ARHGAP10: variants seen among roughly 807,000 people sequenced by gnomAD.
ARHGAP10 encodes Rho GTPase activating protein 10.
A neutral mutation model predicts 108.6 loss-of-function variants in ARHGAP10; 87 were observed. That is an observed-to-expected ratio of 0.80 (90% CI 0.67 to 0.96). The LOEUF (loss-of-function observed/expected upper bound fraction) is 0.96. ARHGAP10 is among the 40% of genes least tolerant of loss of function. The pLI is 0.00. For missense variants in ARHGAP10, 939 were observed against 954.5 expected, an observed-to-expected ratio of 0.98 and a Z score of 0.21; for synonymous variants, 347 against 341.1, an observed-to-expected ratio of 1.02 and a Z score of -0.19.
rs958408552 is a variant in ARHGAP10, at chr4:147,919,789, G to A, written c.1228+6650G>A. On this transcript the variant is annotated intron_variant, in intron 13 of 22. Coordinates refer to ENST00000336498, the MANE Select transcript of ARHGAP10 (RefSeq NM_024605.4). ...AGAGGTGGTGTTTCACCATGTTGGC[G>A]AGGCTGGTCTTGAACTCCTGACCTT... Among the ~76,000 whole-genome samples the A allele has an allele frequency of 7.9e-5, 12 of 151,902 alleles. 1 individual carries two copies. The highest frequency in any genetic ancestry group is 2.9e-4 in the African/African-American group (12 of 41,336).
chr4:147,881,834 G>T lies in ARHGAP10; in HGVS notation c.940-4G>T. On this transcript the variant is annotated splice_polypyrimidine_tract_variant and splice_region_variant and intron_variant, in intron 9 of 22. Coordinates refer to ENST00000336498, the MANE Select transcript of ARHGAP10 (RefSeq NM_024605.4). ...TTGAGAATGTTCAAAATGATTATTT[G>T]CAGGGGGACGGAGAGGTGTTCTTTT... 6.2e-7 allele frequency: 1 copy of T among 1,613,370 alleles called. No homozygotes were observed. Among genetic ancestry groups the T allele is most frequent in the Middle Eastern group, 1.6e-4 (1 of 6,062 alleles).
intron 19 of ARHGAP10, among the ~76,000 whole-genome samples, chr4:148,029,656 T>C (rs1728045120): frequency 6.6e-6 from 1 of 152,216 alleles, no homozygotes; most frequent in South Asian, 2.1e-4. Flanking sequence ...CTTTTCTCCA[T>C]GCTTACCAAT....
intron 5 of ARHGAP10, among the ~76,000 whole-genome samples, chr4:147,859,714 T>A (rs776215827): frequency 2.0e-4 from 31 of 152,232 alleles, no homozygotes; most frequent in South Asian, 6.2e-4. Flanking sequence ...CAGTACCTGT[T>A]AAGGAGTAGG....
chr4:148,047,190 C>A, intron 20 of ARHGAP10, 139 bp downstream of exon 20: 2 of 1,030,302 alleles, frequency 1.9e-6, no homozygotes, highest in Non-Finnish European at 2.7e-6. Context: ...GAAGGGCCAC[C>A]AAAGGGAGAA....
chr4:147,889,410 C>T (rs982709738), intron 10 of ARHGAP10, among the ~76,000 whole-genome samples: 1 of 152,186 alleles, frequency 6.6e-6, no homozygotes, highest in Admixed American at 6.5e-5. Context: ...AGTGATTCTT[C>T]TGCCTCAGCC....
intron 20 of ARHGAP10, among the ~76,000 whole-genome samples, chr4:148,053,841 C>T (rs901861476): frequency 1.3e-5 from 2 of 152,142 alleles, no homozygotes; most frequent in African/African-American, 2.4e-5. Context: ...TTGGCACTTG[C>T]GTGTGGCCTA....
At chr4:147,965,324 C>G (rs888329692) in intron 17 of ARHGAP10, among the ~76,000 whole-genome samples, 195 bp downstream of exon 17, 1 of 152,136 alleles carries the variant, frequency 6.6e-6, no homozygotes, top group African/African-American at 2.4e-5. Flanking sequence ...CTTAACATCT[C>G]TGCCAGCAAC....
intron 7 of ARHGAP10, among the ~76,000 whole-genome samples, chr4:147,874,656 T>C (rs967205613): frequency 1.3e-5 from 2 of 152,212 alleles, no homozygotes; most frequent in African/African-American, 4.8e-5. Flanking sequence ...AAGGAAATTC[T>C]TCTCAGGTAG....
rs563212461 is a variant in ARHGAP10 at position 148,066,487 on chromosome 4, T to G, written c.2272+1980T>G. On this transcript the variant is annotated intron_variant, in intron 22 of 22. Coordinates refer to ENST00000336498, the MANE Select transcript of ARHGAP10 (RefSeq NM_024605.4). ...CTGGTAGGCGTCTGACCCAGGAGAC[T>G]TACGTTCTCCAGGTCTAAAGTCCCG... Among the ~76,000 whole-genome samples the G allele has an allele frequency of 2.6e-5, 4 of 152,344 alleles. No homozygotes were observed. The South Asian group carries it at 8.3e-4, about 32-fold the overall frequency.
At chr4:147,893,577 T>C (rs949080345) in intron 10 of ARHGAP10, among the ~76,000 whole-genome samples, 4 of 147,760 alleles carry the variant, frequency 2.7e-5, no homozygotes, top group African/African-American at 9.8e-5. Flanking sequence ...ATGTATTTCA[T>C]ATATATTTAT....
chr4:147,782,686 G>A (rs913166391), intron 1 of ARHGAP10: 1 of 152,106 alleles, frequency 6.6e-6, no homozygotes, highest in African/African-American at 2.4e-5. Context: ...GCCCAGTACT[G>A]ACTGTGGTAC....
chr4:147,972,895 C>T (rs530922328), intron 18 of ARHGAP10, among the ~76,000 whole-genome samples: 28 of 152,106 alleles, frequency 1.8e-4, no homozygotes, highest in Middle Eastern at 3.2e-3. Context: ...GCTGGGATTA[C>T]AGGCATGTGC....
chr4:147,826,309 A>G (rs1030527072), intron 3 of ARHGAP10, among the ~76,000 whole-genome samples: 1 of 152,222 alleles, frequency 6.6e-6, no homozygotes, highest in African/African-American at 2.4e-5. Context: ...TTGTTAGCCA[A>G]CTGGCTGGTT....
intron 4 of ARHGAP10, among the ~76,000 whole-genome samples, chr4:147,855,414 A>G (rs76104623): frequency 0.021 from 3,178 of 150,778 alleles, 107 homozygotes; most frequent in African/African-American, 0.075. Flanking sequence ...AAAGAGAGTA[A>G]CTATGTAATA....
In ARHGAP10 at chr4:147,828,049, C is replaced by T. The variant is rs186773757; in HGVS notation, c.312+5092C>T. ...CAATTTCTTGACCTTGTGATCTGCC[C>T]GCCTCATTCACCCAAAGTGCTGGGA... is the stretch of plus-strand genomic sequence containing the variant. On this transcript the variant is annotated intron_variant, in intron 3 of 22. Transcript: ENST00000336498. Among the ~76,000 whole-genome samples the T allele has an allele frequency of 1.1e-4, 16 of 152,196 alleles. No individual in the cohort carries two copies. The East Asian group carries it at 2.1e-3, about 20-fold the overall frequency.
At chr4:147,970,088 T>C (rs559081166) in intron 18 of ARHGAP10, among the ~76,000 whole-genome samples, 9 of 152,316 alleles carry the variant, frequency 5.9e-5, no homozygotes, top group Admixed American at 5.9e-4. Context: ...ATTTCATCTT[T>C]GAACACTTCT....
chr4:147,757,664 G>A (rs955317249), intron 1 of ARHGAP10, among the ~76,000 whole-genome samples: 4 of 152,310 alleles, frequency 2.6e-5, no homozygotes, highest in Admixed American at 2.0e-4. Flanking sequence ...TTACTCACGG[G>A]CCTCTACGGT....
intron 1 of ARHGAP10, among the ~76,000 whole-genome samples, chr4:147,757,643 T>C (rs924782): frequency 1 from 152,059 of 152,338 alleles, 75,891 homozygotes; most frequent in East Asian, 1. Flanking sequence ...CTGCTTCCTC[T>C]GAACATTGGC....
chr4:147,966,971 G>T, intron 18 of ARHGAP10, 132 bp downstream of exon 18: 2 of 822,712 alleles, frequency 2.4e-6, no homozygotes, highest in South Asian at 4.0e-5. Flanking sequence ...TGATGAGCTT[G>T]GTTCTAAGAA....
Sources: allele counts gnomAD v4.1 joint callset (sites outside exome capture counted in the v4.1 genomes callset), GRCh38; gene constraint gnomAD v4.1.1; transcripts MANE v1.5; gene names NCBI Gene and HGNC (gene_info 2026-07-23, HGNC 2026-07-21).